Variants in NCOR2 observed in about 807,000 individuals in gnomAD.
The protein encoded by NCOR2 is nuclear receptor corepressor 2.
Under a neutral mutation model 262.9 loss-of-function variants are expected in NCOR2, and 81 were observed. The ratio of observed to expected loss-of-function variants is 0.31; its 90% CI spans 0.26 to 0.37. NCOR2 has a LOEUF of 0.37. Ranked by LOEUF, NCOR2 falls within the 10% of genes least tolerant of loss-of-function variation. The pLI is 1.00. For missense variants in NCOR2, 3,385 were observed against 3,621.4 expected (o/e 0.93, Z 1.68); for synonymous variants, 1,659 against 1,559.3 (o/e 1.06, Z -1.51).
At chr12:124,439,270 C>A (rs2044652056) in intron 7 of NCOR2, among the ~76,000 whole-genome samples, 1 of 25,138 alleles carries the variant, frequency 4.0e-5, no homozygotes. Flanking sequence ...GATGGAGACC[C>A]TGAGACAGAG....
At position 124,448,543 on chromosome 12, in the gene NCOR2, G is replaced by A. The variant is rs184387868; in HGVS notation, c.815+1272C>T. Among the ~76,000 whole-genome samples, 540 of 152,224 alleles carry A rather than the reference G, an allele frequency of 3.5e-3. 8 individuals are homozygous for A. Among genetic ancestry groups the A allele is most frequent in the African/African-American group, 0.013 (523 of 41,536 alleles). ...GCCACTGGCTGAGGATGACCCCCCC[G>A]CCAGCCACGCTGGTGAAGTATCTTT... On this transcript the variant is annotated intron_variant, in intron 7 of 46. Coordinates refer to ENST00000405201, the Ensembl canonical transcript of NCOR2.
intron 20 of NCOR2, among the ~76,000 whole-genome samples, chr12:124,365,080 T>G (rs576610483): frequency 6.6e-6 from 1 of 151,474 alleles, no homozygotes; most frequent in Non-Finnish European, 1.5e-5. Context: ...CGTTTGGGGG[T>G]ATGGAAGCAG....
Position 124,340,175 on chromosome 12 carries a change from C to CGCCGCTGCT in NCOR2, c.5509_5517dup (p.Ser1837_Gly1839dup), listed in dbSNP as rs61519723. ...GGGCGGCTGCTGCTGCCCCCACCCC[C>CGCCGCTGCT]GCCGCTGCTGCCGCTGCTCTGCTCT... On this transcript the variant is annotated inframe_insertion, in exon 37 of 47. Coordinates refer to ENST00000405201, the Ensembl canonical transcript of NCOR2. The CGCCGCTGCT allele has an allele frequency of 0.99, 1,544,520 of 1,553,680 alleles. 767,846 individuals are homozygous for CGCCGCTGCT. The highest frequency in any genetic ancestry group is 1 in the Non-Finnish European group (1,148,695 of 1,151,674).
intron 1 of NCOR2, among the ~76,000 whole-genome samples, chr12:124,533,377 T>C (rs1419702838): frequency 6.6e-6 from 1 of 151,832 alleles, no homozygotes; most frequent in Non-Finnish European, 1.5e-5. Flanking sequence ...GATACCTACA[T>C]GCTTCCTTCC....
chr12:124,460,230 A>G (rs889250586), intron 5 of NCOR2, among the ~76,000 whole-genome samples: 5 of 152,260 alleles, frequency 3.3e-5, no homozygotes, highest in Non-Finnish European at 7.3e-5. Flanking sequence ...GTGCCTGGAC[A>G]GTGTCTGGCT....
chr12:124,384,532 C>T lies in NCOR2; in HGVS notation c.2019+1213G>A, dbSNP rs539964465. ...CCGTGGGACCGTGGCCCCTCGGTCC[C>T]GGAGCCACCAGCGGCCGCGCGCACA... On this transcript the variant is annotated intron_variant, in intron 17 of 46. Coordinates refer to ENST00000405201, the Ensembl canonical transcript of NCOR2. Among the ~76,000 whole-genome samples the T allele has an allele frequency of 6.6e-5, 10 of 152,268 alleles. No individual in the cohort carries two copies. The South Asian group carries it at 8.3e-4, about 13-fold the overall frequency.
At chr12:124,450,909 C>T (rs1295362894) in intron 6 of NCOR2, among the ~76,000 whole-genome samples, 3 of 152,214 alleles carry the variant, frequency 2.0e-5, no homozygotes, top group Admixed American at 6.5e-5. Flanking sequence ...GAAGATCAAA[C>T]GAGACAGTGC....
At chr12:124,553,981 C>T (rs958277624) in intron 1 of NCOR2, among the ~76,000 whole-genome samples, 13 of 152,222 alleles carry the variant, frequency 8.5e-5, no homozygotes, top group African/African-American at 2.9e-4. Flanking sequence ...TCAGGATGTC[C>T]TTGGCATGGT....
chr12:124,360,328 C>T lies in NCOR2; in HGVS notation c.3100+1798G>A, dbSNP rs1035716050. 3.3e-5 allele frequency among the ~76,000 whole-genome samples: 5 copies of T among 152,238 alleles called. No individual in the cohort carries two copies. The East Asian group carries it at 5.8e-4, about 18-fold the overall frequency. On this transcript the variant is annotated intron_variant, in intron 22 of 46. Transcript: ENST00000405201. ...GACATCCCTGGCGTCATCCCCACAC[C>T]GGGTTCAACGCCCCACTGGCTTTGC...
intron 6 of NCOR2, among the ~76,000 whole-genome samples, chr12:124,453,297 C>A (rs1477871738): frequency 2.0e-5 from 3 of 152,200 alleles, no homozygotes; most frequent in Non-Finnish European, 4.4e-5. Flanking sequence ...ACCCCCAGGC[C>A]TTATCCTCCC....
chr12:124,479,236 G>A (rs1488910452), intron 3 of NCOR2, among the ~76,000 whole-genome samples: 1 of 151,896 alleles, frequency 6.6e-6, no homozygotes, highest in African/African-American at 2.4e-5. Context: ...ACACACACGT[G>A]CACATGCACA....
intron 7 of NCOR2, among the ~76,000 whole-genome samples, chr12:124,446,155 AG>A (rs1471142207): frequency 2.0e-5 from 3 of 152,198 alleles, no homozygotes; most frequent in Non-Finnish European, 4.4e-5. Context: ...GAGGCTGCCA[AG>A]GGCAGCTTCC....
upstream of NCOR2, among the ~76,000 whole-genome samples, chr12:124,497,053 C>G (rs1326767487): frequency 6.6e-6 from 1 of 152,214 alleles, no homozygotes; most frequent in Non-Finnish European, 1.5e-5. The surrounding 1 kb of genome is among the most constrained non-coding windows in gnomAD (Gnocchi z 4.2). Context: ...CAGGTCGAAG[C>G]CTGCTCACTT....
chr12:124,419,020 C>A (rs913985711), intron 13 of NCOR2, among the ~76,000 whole-genome samples: 1 of 152,130 alleles, frequency 6.6e-6, no homozygotes, highest in Non-Finnish European at 1.5e-5. Context: ...TGCCAGAGTG[C>A]CCACTGCCTC....
chr12:124,482,091 G>C lies in NCOR2; in HGVS notation c.411+1505C>G, dbSNP rs1322036650. Among the ~76,000 whole-genome samples, 2 of 152,110 alleles carry C rather than the reference G, an allele frequency of 1.3e-5. No homozygotes were observed. The highest frequency in any genetic ancestry group is 1.3e-4 in the Admixed American group (2 of 15,274). ...AACAAGAACACAGCTGCATCCGCCG[G>C]GGGAGGTTCCTGAGTGGGCTCTCAG... On this transcript the variant is annotated intron_variant, in intron 3 of 46. Coordinates refer to ENST00000405201, the Ensembl canonical transcript of NCOR2. The surrounding 1 kb of genome is among the most constrained non-coding windows in gnomAD (Gnocchi z 6.3).
chr12:124,451,820 G>C (rs967500), intron 6 of NCOR2, among the ~76,000 whole-genome samples: 6 of 151,500 alleles, frequency 4.0e-5, no homozygotes, highest in South Asian at 2.1e-4. Context: ...TGATGACGCC[G>C]GCAGAGTGGG....
chr12:124,355,462 G>C (rs778933296), exon 24 of NCOR2: 1 of 1,613,370 alleles, frequency 6.2e-7, no homozygotes, highest in Admixed American at 1.7e-5. Flanking sequence ...GCCTCTCGAG[G>C]ACGCTGGGGT....
intron 1 of NCOR2, among the ~76,000 whole-genome samples, chr12:124,557,512 C>A (rs1159246667): frequency 6.6e-6 from 1 of 152,142 alleles, no homozygotes; most frequent in East Asian, 1.9e-4. Flanking sequence ...GGATTTAGGG[C>A]CCACCCTGCT....
chr12:124,398,481 AT>A (rs1215186786), intron 15 of NCOR2, among the ~76,000 whole-genome samples: 1 of 152,184 alleles, frequency 6.6e-6, no homozygotes, highest in African/African-American at 2.4e-5. Flanking sequence ...CGATCACCCC[AT>A]TTTATAGAAG....
Sources: allele counts gnomAD v4.1 joint callset (sites outside exome capture counted in the v4.1 genomes callset), GRCh38; gene constraint gnomAD v4.1.1; non-coding constraint Gnocchi (gnomAD v3.1); transcripts MANE v1.5; gene names NCBI Gene and HGNC (gene_info 2026-07-23, HGNC 2026-07-21).